SHB: variants seen among roughly 807,000 people sequenced by gnomAD.
SHB encodes SH2 domain-containing adapter protein B.
Under a neutral mutation model 52.3 loss-of-function variants are expected in SHB, and 20 were observed. The observed-to-expected ratio is 0.38, with a 90% CI of 0.27 to 0.56. SHB has a LOEUF of 0.56. Ranked by LOEUF, SHB falls within the 20% of genes least tolerant of loss-of-function variation. The pLI, the probability that SHB is intolerant of heterozygous loss-of-function variation, is 0.71. For synonymous variants in SHB, 397 were observed against 316.5 expected, an observed-to-expected ratio of 1.25 and a Z score of -2.70; for missense variants, 825 against 723.3, an observed-to-expected ratio of 1.14 and a Z score of -1.61.
rs575282717 is a variant in SHB, at chr9:37,965,572, A to G, written c.1054+9050T>C. ...TTTTCCTGAGACCCGATTTACTCAA[A>G]TATCTTTTTTTTTTTTTTTCTCGAG... On this transcript the variant is annotated intron_variant, in intron 3 of 5. Transcript: ENST00000377707. Among the ~76,000 whole-genome samples the G allele has an allele frequency of 2.5e-3, 345 of 137,444 alleles. 1 individual carries two copies. The highest frequency in any genetic ancestry group is 4.5e-3 in the South Asian group (19 of 4,220). 90.2% of individuals were successfully genotyped at this position (137,444 alleles called of 152,430 possible).
At chr9:37,999,408 T>C (rs903933057) in intron 2 of SHB, among the ~76,000 whole-genome samples, 6 of 152,178 alleles carry the variant, frequency 3.9e-5, no homozygotes, top group African/African-American at 1.2e-4. Context: ...CTCCACTTTA[T>C]TCAGCTGATG....
At chr9:37,959,246 A>G (rs1299180837) in intron 3 of SHB, among the ~76,000 whole-genome samples, 1 of 152,072 alleles carries the variant, frequency 6.6e-6, no homozygotes, top group Admixed American at 6.5e-5. Flanking sequence ...GGGGAGGGTG[A>G]TGCCCCCATT....
chr9:37,937,148 G>C (rs2117856427), intron 5 of SHB, among the ~76,000 whole-genome samples: 1 of 152,204 alleles, frequency 6.6e-6, no homozygotes, highest in African/African-American at 2.4e-5. Context: ...TCCTTGTCTG[G>C]ACTGTGAGCT....
At chr9:37,949,882 G>A (rs781484499) in intron 4 of SHB, among the ~76,000 whole-genome samples, 1 of 152,240 alleles carries the variant, frequency 6.6e-6, no homozygotes, top group Non-Finnish European at 1.5e-5. Context: ...GGAGTGCCGT[G>A]CAGAGGGCCC....
chr9:37,919,277 C>G lies in SHB; in HGVS notation c.*544G>C, dbSNP rs1018086887. On this transcript the variant is annotated 3_prime_UTR_variant, in exon 6 of 6. Coordinates refer to ENST00000377707, the MANE Select transcript of SHB (RefSeq NM_003028.3). ...AGTGGGCTTACCCATCTGTGTGTGA[C>G]CACCTTCTCACATCTGTACTCACAC... 1.3e-5 allele frequency: 2 copies of G among 152,854 alleles called. No individual in the cohort carries two copies. The highest frequency in any genetic ancestry group is 2.9e-5 in the Non-Finnish European group (2 of 68,248). The allele number at this position is 152,854 out of a possible 1,614,324, so 9.5% of individuals were successfully genotyped here.
At chr9:38,015,591 C>T (rs962276893) in intron 2 of SHB, 1 of 630,918 alleles carries the variant, frequency 1.6e-6, no homozygotes, top group East Asian at 2.8e-5. Context: ...CAGCTCTCTT[C>T]TACTAAGCAA....
chr9:38,033,275 C>A (rs1342237243), intron 1 of SHB, among the ~76,000 whole-genome samples: 1 of 152,160 alleles, frequency 6.6e-6, no homozygotes, highest in Non-Finnish European at 1.5e-5. Flanking sequence ...AAAGTGAGCA[C>A]CCCATCACCT....
intron 5 of SHB, among the ~76,000 whole-genome samples, chr9:37,942,620 C>G (rs1159954326): frequency 6.6e-6 from 1 of 152,220 alleles, no homozygotes; most frequent in Non-Finnish European, 1.5e-5. Context: ...TAGGGCTTAT[C>G]TGCCAAGCCT....
chr9:38,009,871 A>G (rs1821117292), intron 2 of SHB, among the ~76,000 whole-genome samples: 1 of 152,266 alleles, frequency 6.6e-6, no homozygotes. Flanking sequence ...ATTTAATAAT[A>G]AAAACATGCT....
At chr9:37,983,371 A>C (rs1045777602) in intron 2 of SHB, among the ~76,000 whole-genome samples, 3 of 152,186 alleles carry the variant, frequency 2.0e-5, no homozygotes, top group Admixed American at 6.5e-5. Context: ...ACTGACAGGT[A>C]CCTGGTGGGA....
At position 38,027,579 on chromosome 9, in the gene SHB, G is replaced by C. The variant is rs796294934; in HGVS notation, c.718-11448C>G. 2.6e-5 allele frequency among the ~76,000 whole-genome samples: 4 copies of C among 151,462 alleles called. No individual in the cohort carries two copies. In the South Asian group the frequency reaches 8.4e-4, roughly 32 times the overall value. ...GGGACAGGGAAAATGGGCCTGAGAA[G>C]GGTATCAGGAAAGCTGGGTTACAAA... On this transcript the variant is annotated intron_variant, in intron 1 of 5. Transcript: ENST00000377707.
Position 38,068,550 on chromosome 9 carries a change from G to T in SHB, c.96C>A (p.Arg32=). ...GGGGCTGCGAAGGCCGCTCGCCTCGGCGCCGCTGCTCGCGGTAGTCTGGCC... is the reference window on the plus strand; with the variant it reads ...GGGGCTGCGAAGGCCGCTCGCCTCGTCGCCGCTGCTCGCGGTAGTCTGGCC... ...PPRPDYREQR[R]RGERPSQPPQ... Residue 32 remains arginine (R), a synonymous_variant, in exon 1 of 6, where the codon CGC becomes CGA. Coordinates refer to ENST00000377707, the MANE Select transcript of SHB (RefSeq NM_003028.3). The T allele has an allele frequency of 2.7e-6, 4 of 1,459,618 alleles. No homozygotes were observed. The African/African-American group carries it at 4.4e-5, about 16-fold the overall frequency. The allele number at this position is 1,459,618 out of a possible 1,614,324, so 90.4% of individuals were successfully genotyped here. A position where few individuals can be genotyped will look rare whatever the true frequency, so the allele number is the denominator to read the frequency against.
At chr9:37,999,244 T>C (rs1820984226) in intron 2 of SHB, among the ~76,000 whole-genome samples, 1 of 152,048 alleles carries the variant, frequency 6.6e-6, no homozygotes, top group Non-Finnish European at 1.5e-5. Flanking sequence ...CAGGGGACAG[T>C]GAGGAGGGAT....
At chr9:37,928,087 T>C (rs2118466793) in intron 5 of SHB, among the ~76,000 whole-genome samples, 1 of 152,284 alleles carries the variant, frequency 6.6e-6, no homozygotes, top group African/African-American at 2.4e-5. Flanking sequence ...CCCACTGATA[T>C]CATTGGCTGG....
intron 1 of SHB, among the ~76,000 whole-genome samples, chr9:38,045,712 A>G (rs1028675437): frequency 2.6e-5 from 4 of 152,194 alleles, no homozygotes; most frequent in Admixed American, 2.0e-4. Context: ...TACACAGCAC[A>G]ACACAGGTAC....
intron 2 of SHB, among the ~76,000 whole-genome samples, chr9:37,981,998 A>G (rs192412470): frequency 1.1e-3 from 169 of 152,320 alleles, no homozygotes; most frequent in African/African-American, 3.9e-3. Context: ...GAGAATTACC[A>G]AAATGTGACA....
At position 37,917,988 on chromosome 9, in the gene SHB, C is replaced by T. The variant is rs1218516289; in HGVS notation, c.*1833G>A. 6.6e-6 allele frequency among the ~76,000 whole-genome samples: 1 copy of T among 152,232 alleles called. No homozygotes were observed. Among genetic ancestry groups the T allele is most frequent in the Non-Finnish European group, 1.5e-5 (1 of 68,048 alleles). ...GGGGCAGGGCTCAGTCCCAGCTCGA[C>T]ACGTGGCCTTGGCGAGTCCTCCTTC... is the stretch of plus-strand genomic sequence containing the variant. On this transcript the variant is annotated 3_prime_UTR_variant, in exon 6 of 6. Coordinates refer to ENST00000377707, the MANE Select transcript of SHB (RefSeq NM_003028.3).
At chr9:38,043,889 C>CAAA (rs56809865) in intron 1 of SHB, among the ~76,000 whole-genome samples, 2 of 129,810 alleles carry the variant, frequency 1.5e-5, no homozygotes, top group African/African-American at 5.5e-5. Context: ...AACTCCGTCT[C>CAAA]AAAAAAAAAA....
intron 1 of SHB, among the ~76,000 whole-genome samples, chr9:38,027,594 T>C (rs894273093): frequency 6.6e-6 from 1 of 150,862 alleles, no homozygotes; most frequent in African/African-American, 2.4e-5. Flanking sequence ...TCAGGAAAGC[T>C]GGGTTACAAA....
Sources: gnomAD v4.1 joint callset for allele counts (sites outside exome capture counted in the v4.1 genomes callset) on GRCh38, gnomAD v4.1.1 for gene constraint, MANE v1.5 for transcripts, NCBI Gene and HGNC (gene_info 2026-07-23, HGNC 2026-07-21) for gene names.